ZBTB20: variants seen among roughly 807,000 people sequenced by gnomAD.
ZBTB20 encodes the protein zinc finger and BTB domain containing 20, also known as zinc finger and BTB domain-containing protein 20.
ZBTB20 carries 9 observed loss-of-function variants against 56.9 expected under a neutral mutation model. The ratio of observed to expected loss-of-function variants is 0.16; its 90% CI spans 0.10 to 0.28. The LOEUF is 0.28. Among genes scored for constraint, ZBTB20 ranks in the 10% least tolerant of loss-of-function variants. The pLI, the probability that ZBTB20 is intolerant of heterozygous loss-of-function variation, is 1.00. For synonymous variants in ZBTB20, 417 were observed against 420.7 expected, an observed-to-expected ratio of 0.99 and a Z score of 0.11; for missense variants, 655 against 1,003.0, an observed-to-expected ratio of 0.65 and a Z score of 4.69.
At chr3:114,629,854 A>G (rs552328829) in intron 6 of ZBTB20, among the ~76,000 whole-genome samples, 2 of 152,342 alleles carry the variant, frequency 1.3e-5, no homozygotes, top group East Asian at 3.9e-4. Flanking sequence ...AGAATACTTT[A>G]AAGAATATAA....
At chr3:115,119,646 A>G (rs2084123330) in intron 1 of ZBTB20, among the ~76,000 whole-genome samples, 1 of 152,196 alleles carries the variant, frequency 6.6e-6, no homozygotes, top group South Asian at 2.1e-4. Flanking sequence ...GCACATAGAA[A>G]GCATTCAATA....
chr3:114,361,845 A>G (rs1413959720), intron 10 of ZBTB20, among the ~76,000 whole-genome samples: 1 of 152,168 alleles, frequency 6.6e-6, no homozygotes, highest in Non-Finnish European at 1.5e-5. Flanking sequence ...CCACTTTGAG[A>G]GGAACAGTGA....
At chr3:115,085,137 C>T (rs1018609285) in intron 1 of ZBTB20, among the ~76,000 whole-genome samples, 3 of 151,950 alleles carry the variant, frequency 2.0e-5, no homozygotes, top group Non-Finnish European at 4.4e-5. Flanking sequence ...GAAAGCCTTA[C>T]AAATATATCC....
chr3:114,340,618 G>C (rs915317687), intron 11 of ZBTB20, among the ~76,000 whole-genome samples: 1 of 152,126 alleles, frequency 6.6e-6, no homozygotes, highest in African/African-American at 2.4e-5. Flanking sequence ...TTAAAGACTT[G>C]TTTTCTTTGT....
chr3:114,628,697 C>T (rs1247130719), intron 6 of ZBTB20, among the ~76,000 whole-genome samples: 2 of 152,122 alleles, frequency 1.3e-5, no homozygotes, highest in East Asian at 3.9e-4. Context: ...GGCTCTGTTT[C>T]CCAGTTTTAA....
At chr3:114,341,739 T>G (rs952266071) in intron 11 of ZBTB20, among the ~76,000 whole-genome samples, 1 of 152,222 alleles carries the variant, frequency 6.6e-6, no homozygotes, top group African/African-American at 2.4e-5. Flanking sequence ...GCTTTTTAAG[T>G]GTTTTCATTT....
chr3:114,893,548 A>G lies in ZBTB20; in HGVS notation c.-417+6756T>C, dbSNP rs192917302. 1.6e-4 allele frequency among the ~76,000 whole-genome samples: 24 copies of G among 152,314 alleles called. 1 individual carries two copies. The highest frequency in any genetic ancestry group is 3.2e-4 in the Non-Finnish European group (22 of 68,024). ...GCCTTGCTCTTTAGTGTGAATAACA[A>G]TAAGCCTGTGGCCAGGGTACACAAC... On this transcript the variant is annotated intron_variant, in intron 4 of 11. Coordinates refer to ENST00000675478, the MANE Select transcript of ZBTB20 (RefSeq NM_001348800.3).
intron 5 of ZBTB20, among the ~76,000 whole-genome samples, chr3:114,772,827 TTA>T (rs2069317328): frequency 6.6e-6 from 1 of 152,146 alleles, no homozygotes. Flanking sequence ...TGGCAAAATG[TTA>T]TGTTACATGA....
chr3:114,493,744 C>A, intron 7 of ZBTB20, among the ~76,000 whole-genome samples: 1 of 152,188 alleles, frequency 6.6e-6, no homozygotes, highest in Non-Finnish European at 1.5e-5. Flanking sequence ...CTTTTATTTG[C>A]CCTTAGAGCA....
intron 10 of ZBTB20, 90 bp downstream of exon 10, chr3:114,380,127 G>A (rs547411113): frequency 5.3e-6 from 7 of 1,328,236 alleles, no homozygotes; most frequent in South Asian, 1.8e-5. Flanking sequence ...AATGCAAAGA[G>A]CTCGCTCTGA....
chr3:114,605,830 G>GA (rs1239746208), intron 6 of ZBTB20, among the ~76,000 whole-genome samples: 19 of 147,962 alleles, frequency 1.3e-4, no homozygotes, highest in South Asian at 2.1e-4. Context: ...ATAGGTAACA[G>GA]AAAAAAAAAA....
chr3:114,333,504 G>T lies in ZBTB20; in HGVS notation c.*5501C>A, dbSNP rs1167177425. ...GTTATGTCTAGCCCCAGAAGGCCTGGTGGCTGGGTCAGCTCAAGCACTCTC... is the reference window on the plus strand; with the variant it reads ...GTTATGTCTAGCCCCAGAAGGCCTGTTGGCTGGGTCAGCTCAAGCACTCTC... On this transcript the variant is annotated 3_prime_UTR_variant, in exon 12 of 12. Coordinates refer to ENST00000675478, the MANE Select transcript of ZBTB20 (RefSeq NM_001348800.3). The T allele has an allele frequency of 1.3e-5, 2 of 152,222 alleles. No homozygotes were observed. The highest frequency in any genetic ancestry group is 2.9e-5 in the Non-Finnish European group (2 of 68,064). 9.4% of individuals were successfully genotyped at this position (152,222 alleles called of 1,614,324 possible).
At chr3:114,773,514 C>T (rs369891241) in intron 5 of ZBTB20, among the ~76,000 whole-genome samples, 1 of 152,028 alleles carries the variant, frequency 6.6e-6, no homozygotes, top group Non-Finnish European at 1.5e-5. Flanking sequence ...TAAAATACCT[C>T]GAGACTAAAG....
intron 11 of ZBTB20, among the ~76,000 whole-genome samples, chr3:114,348,412 A>G (rs6765191): frequency 0.013 from 1,949 of 152,352 alleles, 40 homozygotes; most frequent in African/African-American, 0.044. Context: ...TATTTGATTA[A>G]TTCACCTAAT....
At chr3:115,014,417 A>G (rs531567248) in intron 2 of ZBTB20, among the ~76,000 whole-genome samples, 6 of 151,814 alleles carry the variant, frequency 4.0e-5, no homozygotes, top group Non-Finnish European at 5.9e-5. Flanking sequence ...AAAGTGTACA[A>G]TTGGATTGTT....
At chr3:114,620,775 T>C (rs1307052696) in intron 6 of ZBTB20, among the ~76,000 whole-genome samples, 2 of 152,162 alleles carry the variant, frequency 1.3e-5, no homozygotes, top group Non-Finnish European at 2.9e-5. Flanking sequence ...GTTTCATATA[T>C]AGAAAAAACT....
intron 5 of ZBTB20, among the ~76,000 whole-genome samples, chr3:114,709,254 C>A (rs567024340): frequency 6.6e-6 from 1 of 152,238 alleles, no homozygotes; most frequent in African/African-American, 2.4e-5. Flanking sequence ...TTTCATAGTT[C>A]TTCTCATTCT....
chr3:114,717,474 G>T (rs935814256), intron 5 of ZBTB20, among the ~76,000 whole-genome samples: 1 of 152,058 alleles, frequency 6.6e-6, no homozygotes, highest in African/African-American at 2.4e-5. Flanking sequence ...CCTTTTCCAT[G>T]TCTCTTTCTA....
chr3:114,612,272 C>T lies in ZBTB20; in HGVS notation c.-295+81256G>A, dbSNP rs540246923. Among the ~76,000 whole-genome samples the T allele has an allele frequency of 1.2e-4, 19 of 152,262 alleles. 1 individual carries two copies. In the South Asian group the frequency reaches 3.7e-3, roughly 30 times the overall value. On this transcript the variant is annotated intron_variant, in intron 6 of 11. Coordinates refer to ENST00000675478, the MANE Select transcript of ZBTB20 (RefSeq NM_001348800.3). ...GATTCTTGTAGTACTCACTACCTTT[C>T]GTTATTGCTCATGTTGGTGCATAAT... is the stretch of plus-strand genomic sequence containing the variant.
Sources: gnomAD v4.1 joint callset for allele counts (sites outside exome capture counted in the v4.1 genomes callset) on GRCh38, gnomAD v4.1.1 for gene constraint, MANE v1.5 for transcripts, NCBI Gene and HGNC (gene_info 2026-07-23, HGNC 2026-07-21) for gene names.